Variants in HHAT observed in about 807,000 individuals in gnomAD.
HHAT encodes the protein hedgehog acyltransferase.
In HHAT, 47 loss-of-function variants were observed where a neutral mutation model predicts 70.8. That is an observed-to-expected ratio of 0.66 (90% confidence interval 0.53 to 0.85). HHAT has a LOEUF of 0.85. Among genes scored for constraint, HHAT ranks in the 40% least tolerant of loss-of-function variants. HHAT has a pLI of 0.00. For missense variants in HHAT, 609 were observed against 604.8 expected (o/e 1.01, Z -0.07); for synonymous variants, 228 against 247.6 (o/e 0.92, Z 0.74).
At chr1:210,566,577 G>A (rs1654804856) in intron 9 of HHAT, among the ~76,000 whole-genome samples, 1 of 152,154 alleles carries the variant, frequency 6.6e-6, no homozygotes, top group South Asian at 2.1e-4. Context: ...GAGCTGATGA[G>A]TGGCAGAACA....
At position 210,566,944 on chromosome 1, in the gene HHAT, A is replaced by C. The variant is rs1420802349; in HGVS notation, c.1044-20954A>C. On this transcript the variant is annotated intron_variant, in intron 9 of 11. Coordinates refer to ENST00000261458, the MANE Select transcript of HHAT (RefSeq NM_018194.6). ...ACAGATGGCAAGGCTAAAAGAATGC[A>C]CTGTAACACATGCCCATTTGGGCTT... Among the ~76,000 whole-genome samples the C allele has an allele frequency of 3.9e-5, 6 of 152,354 alleles. No individual in the cohort carries two copies. The East Asian group carries it at 9.7e-4, about 25-fold the overall frequency.
intron 8 of HHAT, among the ~76,000 whole-genome samples, chr1:210,470,412 C>A (rs1193492093): frequency 6.6e-6 from 1 of 152,052 alleles, no homozygotes; most frequent in African/African-American, 2.4e-5. Flanking sequence ...CTTAGTCAAT[C>A]CCCCTCTCTC....
chr1:210,480,545 G>C (rs1449562490), intron 8 of HHAT, among the ~76,000 whole-genome samples: 1 of 152,164 alleles, frequency 6.6e-6, no homozygotes, highest in African/African-American at 2.4e-5. Context: ...CACAACACCA[G>C]GGATTTTAGT....
intron 10 of HHAT, among the ~76,000 whole-genome samples, chr1:210,607,290 C>G (rs972808353): frequency 6.6e-6 from 1 of 152,064 alleles, no homozygotes; most frequent in East Asian, 1.9e-4. Flanking sequence ...TCACCCTGCT[C>G]TTCATTTTTT....
intron 1 of HHAT, among the ~76,000 whole-genome samples, chr1:210,334,958 T>C (rs1263902291): frequency 6.6e-6 from 1 of 152,138 alleles, no homozygotes; most frequent in African/African-American, 2.4e-5. Context: ...AACCTTTCCA[T>C]AGCAAAATTT....
intron 11 of HHAT, among the ~76,000 whole-genome samples, chr1:210,642,222 T>A (rs947740499): frequency 6.6e-6 from 1 of 152,264 alleles, no homozygotes; most frequent in Non-Finnish European, 1.5e-5. Context: ...ATCATTGTTA[T>A]GTATAGCAAT....
At chr1:210,492,887 G>T (rs1396366196) in intron 8 of HHAT, among the ~76,000 whole-genome samples, 1 of 152,084 alleles carries the variant, frequency 6.6e-6, no homozygotes, top group Non-Finnish European at 1.5e-5. Flanking sequence ...CCTGTCAGTG[G>T]ATGGGTTCAG....
intron 6 of HHAT, 76 bp downstream of exon 6, chr1:210,404,755 C>T: frequency 8.1e-7 from 1 of 1,235,972 alleles, no homozygotes; most frequent in Non-Finnish European, 1.1e-6. Context: ...TTCTCTGACT[C>T]TTGAGTCGTT....
chr1:210,619,199 C>G (rs144941217), intron 10 of HHAT, among the ~76,000 whole-genome samples: 323 of 152,276 alleles, frequency 2.1e-3, no homozygotes, highest in African/African-American at 7.5e-3. Context: ...GACCCACCCC[C>G]TGTCATGTAC....
intron 9 of HHAT, among the ~76,000 whole-genome samples, chr1:210,564,776 A>T (rs1161432446): frequency 6.9e-6 from 1 of 144,264 alleles, no homozygotes; most frequent in Admixed American, 7.0e-5. Context: ...GACAATATGG[A>T]GGTCTTTGAT....
At chr1:210,483,852 T>TATAA (rs2094435320) in intron 8 of HHAT, among the ~76,000 whole-genome samples, 1 of 152,212 alleles carries the variant, frequency 6.6e-6, no homozygotes, top group Non-Finnish European at 1.5e-5. Flanking sequence ...AATACATTTC[T>TATAA]GTACTATAAA....
At chr1:210,449,935 G>T (rs2093714790) in intron 7 of HHAT, among the ~76,000 whole-genome samples, 1 of 152,174 alleles carries the variant, frequency 6.6e-6, no homozygotes, top group African/African-American at 2.4e-5. Flanking sequence ...CCAGAGGGAG[G>T]ATGCATCCAC....
chr1:210,645,075 A>G (rs1202424750), intron 11 of HHAT, among the ~76,000 whole-genome samples: 1 of 152,200 alleles, frequency 6.6e-6, no homozygotes, highest in East Asian at 1.9e-4. Flanking sequence ...AAAATTTTCT[A>G]GAAAGGTGGT....
At chr1:210,535,576 C>T (rs997966654) in intron 9 of HHAT, among the ~76,000 whole-genome samples, 1 of 151,944 alleles carries the variant, frequency 6.6e-6, no homozygotes, top group African/African-American at 2.4e-5. Flanking sequence ...GCTTGGTGTG[C>T]AAACAGCTCT....
intron 8 of HHAT, among the ~76,000 whole-genome samples, chr1:210,507,363 T>C (rs987957681): frequency 2.7e-5 from 4 of 147,438 alleles, no homozygotes; most frequent in Admixed American, 6.7e-5. Context: ...TTTTTTCTTT[T>C]TTTTTTTTTT....
intron 4 of HHAT, among the ~76,000 whole-genome samples, chr1:210,390,966 T>A (rs1034592521): frequency 1.3e-5 from 2 of 152,242 alleles, no homozygotes; most frequent in Non-Finnish European, 2.9e-5. Flanking sequence ...AACATGCAAG[T>A]GCATGTGCCT....
In HHAT at chr1:210,644,321, G is replaced by C. The variant is rs145901838; in HGVS notation, c.1390+20651G>C. ...CGTCATCTAAGAAGAAGTAGCCTTGGGCTGGATGCTTTGACTCATGCCTGT... is the reference window on the plus strand; with the variant it reads ...CGTCATCTAAGAAGAAGTAGCCTTGCGCTGGATGCTTTGACTCATGCCTGT... On this transcript the variant is annotated intron_variant, in intron 11 of 11. Transcript: ENST00000261458. Among the ~76,000 whole-genome samples, 55 of 152,190 alleles carry C rather than the reference G, an allele frequency of 3.6e-4. 1 individual carries two copies. The East Asian group carries it at 0.01, about 28-fold the overall frequency.
At chr1:210,496,022 A>AAAAAAAG (rs937576244) in intron 8 of HHAT, among the ~76,000 whole-genome samples, 1 of 150,538 alleles carries the variant, frequency 6.6e-6, no homozygotes, top group East Asian at 2.0e-4. Context: ...AAAAAAAAAA[A>AAAAAAAG]AAAAAAAAGA....
intron 11 of HHAT, among the ~76,000 whole-genome samples, chr1:210,668,932 C>T (rs1022847096): frequency 2.0e-5 from 3 of 152,136 alleles, no homozygotes; most frequent in African/African-American, 7.2e-5. Context: ...TGCCACCACA[C>T]CCCGCTAATT....
Sources: gnomAD v4.1 joint callset for allele counts (sites outside exome capture counted in the v4.1 genomes callset) on GRCh38, gnomAD v4.1.1 for gene constraint, MANE v1.5 for transcripts, NCBI Gene and HGNC (gene_info 2026-07-23, HGNC 2026-07-21) for gene names.